The following CPXM2 variants were observed in gnomAD, a reference collection of about 807,000 sequenced individuals.
The protein encoded by CPXM2 is carboxypeptidase X, M14 family member 2.
CPXM2 carries 66 observed loss-of-function variants against 86.1 expected under a neutral mutation model. The observed-to-expected ratio is 0.77, with a 90% CI of 0.63 to 0.94. CPXM2 has a LOEUF of 0.94. Among genes scored for constraint, CPXM2 ranks in the 40% least tolerant of loss-of-function variants. CPXM2 has a pLI of 0.00. For missense variants in CPXM2, 948 were observed against 1,026.3 expected, an observed-to-expected ratio of 0.92 and a Z score of 1.04; for synonymous variants, 388 against 400.2, an observed-to-expected ratio of 0.97 and a Z score of 0.36.
At chr10:123,790,750 C>G (rs1847188092) in intron 6 of CPXM2, among the ~76,000 whole-genome samples, 1 of 152,134 alleles carries the variant, frequency 6.6e-6, no homozygotes, top group Admixed American at 6.5e-5. Context: ...GTGTGTCTAT[C>G]TTATCTCAGA....
chr10:123,900,795 G>A (rs1464115489), intron 2 of CPXM2, among the ~76,000 whole-genome samples: 2 of 152,174 alleles, frequency 1.3e-5, no homozygotes, highest in African/African-American at 4.8e-5. Flanking sequence ...TGCCAATAGA[G>A]AATATTACAT....
chr10:123,858,889 C>A (rs567504361), intron 3 of CPXM2, among the ~76,000 whole-genome samples: 1 of 152,366 alleles, frequency 6.6e-6, no homozygotes, highest in African/African-American at 2.4e-5. Context: ...AAAGGCAATT[C>A]TTTTTCTTTA....
chr10:123,908,406 C>T (rs1034049270), intron 2 of CPXM2, among the ~76,000 whole-genome samples: 3 of 152,200 alleles, frequency 2.0e-5, no homozygotes, highest in Admixed American at 6.5e-5. Context: ...TAAGCCAGAT[C>T]ACCTGCAAGT....
At chr10:123,893,001 C>T (rs1194217074), upstream of CPXM2, among the ~76,000 whole-genome samples, 2 of 152,210 alleles carry the variant, frequency 1.3e-5, no homozygotes, top group African/African-American at 4.8e-5. Flanking sequence ...AAATTCTGTG[C>T]TTTTAAGAGA....
At chr10:123,921,067 A>G (rs1485208528) in intron 2 of CPXM2, among the ~76,000 whole-genome samples, 1 of 152,228 alleles carries the variant, frequency 6.6e-6, no homozygotes, top group Non-Finnish European at 1.5e-5. Flanking sequence ...TTTTTATAAC[A>G]TTAAAAAAAA....
chr10:123,859,360 G>A (rs936369637), intron 3 of CPXM2, among the ~76,000 whole-genome samples: 8 of 152,266 alleles, frequency 5.3e-5, no homozygotes, highest in African/African-American at 1.9e-4. Context: ...CACACTGCAT[G>A]TGGCACTGGC....
intron 4 of CPXM2, among the ~76,000 whole-genome samples, chr10:123,826,982 G>A (rs1172406462): frequency 1.3e-5 from 2 of 152,176 alleles, no homozygotes; most frequent in Non-Finnish European, 2.9e-5. Context: ...TGGGTCATTA[G>A]TATGAAGGAA....
At chr10:123,871,574 T>C (rs1944896861) in intron 2 of CPXM2, among the ~76,000 whole-genome samples, 1 of 152,202 alleles carries the variant, frequency 6.6e-6, no homozygotes. Flanking sequence ...TTAAATCAAA[T>C]TACTTTAGTG....
intron 2 of CPXM2, among the ~76,000 whole-genome samples, chr10:123,908,060 G>A (rs1364988415): frequency 6.6e-6 from 1 of 152,128 alleles, no homozygotes; most frequent in African/African-American, 2.4e-5. Context: ...CCATATTCAG[G>A]ATTGGGTAGA....
chr10:123,904,625 G>A (rs918711663), intron 2 of CPXM2, among the ~76,000 whole-genome samples: 4 of 152,136 alleles, frequency 2.6e-5, no homozygotes, highest in African/African-American at 4.8e-5. Flanking sequence ...GGCATGGGGC[G>A]AGGGTTCAGT....
intron 3 of CPXM2, among the ~76,000 whole-genome samples, chr10:123,848,781 A>G (rs576131382): frequency 6.6e-6 from 1 of 152,354 alleles, no homozygotes; most frequent in East Asian, 1.9e-4. Context: ...GCCTTCAGAA[A>G]TGCATGCAGG....
intron 6 of CPXM2, among the ~76,000 whole-genome samples, chr10:123,788,694 T>A (rs1179437226): frequency 2.0e-5 from 3 of 152,186 alleles, no homozygotes; most frequent in Non-Finnish European, 4.4e-5. Flanking sequence ...TTAATTGGAC[T>A]CTGCATGCGG....
At position 123,891,525 on chromosome 10, in the gene CPXM2, G is replaced by A; in HGVS notation, c.135C>T (p.Pro45=). The A allele has an allele frequency of 1.3e-6, 2 of 1,548,748 alleles. No homozygotes were observed. The highest frequency in any genetic ancestry group is 1.7e-6 in the Non-Finnish European group (2 of 1,145,750). The stretch of plus-strand genomic sequence containing the variant: ...GCTCGGGCTCCGGGCGCGCGTAGTA[G>A]GGCTCCCGGCTCCAGATCTCCTGCC... ...YYGQEIWSRE[P]YYARPEPELE... The change falls in exon 1 of 14, where the codon CCC becomes CCT. Residue 45 remains proline, a synonymous_variant. Transcript: ENST00000241305. This position sits in a 1 kb window ranked among gnomAD's most constrained non-coding sequence, Gnocchi z 5.6.
chr10:123,848,661 C>A (rs1246374614), intron 3 of CPXM2, among the ~76,000 whole-genome samples: 2 of 152,158 alleles, frequency 1.3e-5, no homozygotes, highest in Admixed American at 6.5e-5. Flanking sequence ...CATTGTATAT[C>A]TATGGAACAA....
chr10:123,829,853 C>T (rs1171612452), intron 4 of CPXM2, among the ~76,000 whole-genome samples: 1 of 151,326 alleles, frequency 6.6e-6, no homozygotes, highest in African/African-American at 2.4e-5. Context: ...AAGTAAACCC[C>T]ACAATAGACA....
intron 7 of CPXM2, chr10:123,777,329 C>A (rs968339485): frequency 1.3e-5 from 2 of 152,388 alleles, no homozygotes; most frequent in Non-Finnish European, 2.9e-5. Flanking sequence ...AACACTGTGC[C>A]CAAACCAAAG....
At chr10:123,855,110 A>G (rs752007201) in intron 3 of CPXM2, among the ~76,000 whole-genome samples, 1 of 152,032 alleles carries the variant, frequency 6.6e-6, no homozygotes, top group Non-Finnish European at 1.5e-5. Flanking sequence ...ACAATTTAAA[A>G]TATTCAGTCC....
At chr10:123,896,689 T>C (rs910021838), upstream of CPXM2, among the ~76,000 whole-genome samples, 2 of 152,198 alleles carry the variant, frequency 1.3e-5, no homozygotes, top group Admixed American at 6.5e-5. Flanking sequence ...GATATTCCAT[T>C]TGTAAACAGT....
In CPXM2 at chr10:123,746,792, C is replaced by A. The variant is rs374183184; in HGVS notation, c.2243G>T (p.Arg748Leu). 6.2e-7 allele frequency: 1 copy of A among 1,614,100 alleles called. No homozygotes were observed. Among genetic ancestry groups the A allele is most frequent in the Non-Finnish European group, 8.5e-7 (1 of 1,180,044 alleles). Reference sequence around the variant, plus strand: ...CCCACGCTGTCGTCTCTTCTGCCCCCGCAGCTTCAGCCGCCTGGCTGGCAG... The same window carrying A: ...CCCACGCTGTCGTCTCTTCTGCCCCAGCAGCTTCAGCCGCCTGGCTGGCAG... ...VSLPARRLKL[R>L]GQKRRQRG is the part of the protein sequence containing the mutation. The change falls in exon 14 of 14, where the codon CGG (arginine) becomes CTG (leucine). Residue 748 changes from arginine to leucine, a missense_variant. Transcript: ENST00000241305.
Sources: allele counts gnomAD v4.1 joint callset (sites outside exome capture counted in the v4.1 genomes callset), GRCh38; gene constraint gnomAD v4.1.1; non-coding constraint Gnocchi (gnomAD v3.1); transcripts MANE v1.5; gene names NCBI Gene and HGNC (gene_info 2026-07-23, HGNC 2026-07-21).